Variants in RASSF8 observed in about 807,000 individuals in gnomAD.
The protein encoded by RASSF8 is Ras association domain family member 8.
RASSF8 carries 22 observed loss-of-function variants against 48.5 expected under a neutral mutation model. The ratio of observed to expected loss-of-function variants is 0.45; its 90% CI spans 0.32 to 0.65. The LOEUF (loss-of-function observed/expected upper bound fraction) is 0.65. RASSF8 is among the 30% of genes least tolerant of loss of function. The probability of loss-of-function intolerance (pLI) is 0.03; values close to 1 mark genes in which losing one functional copy is unlikely to be tolerated. For synonymous variants in RASSF8, 127 were observed against 171.5 expected, an observed-to-expected ratio of 0.74 and a Z score of 2.03; for missense variants, 418 against 489.2, an observed-to-expected ratio of 0.85 and a Z score of 1.37.
chr12:25,999,628 T>C (rs983132032), intron 2 of RASSF8, among the ~76,000 whole-genome samples: 2 of 152,152 alleles, frequency 1.3e-5, no homozygotes, highest in Non-Finnish European at 2.9e-5. Flanking sequence ...CTCCGGAGGC[T>C]GAGGTGGGAG....
rs191715398 is a variant in RASSF8 at position 26,043,347 on chromosome 12, A to G, written c.-108-11889A>G. On this transcript the variant is annotated intron_variant, in intron 2 of 5. Transcript: ENST00000689635. ...GAGAGTGATAGATTGAGAGAACAGA[A>G]ATGTCTTGGCATAAGGGTAGAGGGG... Among the ~76,000 whole-genome samples the G allele has an allele frequency of 1.5e-3, 236 of 152,284 alleles. 1 individual carries two copies. The highest frequency in any genetic ancestry group is 5.4e-3 in the African/African-American group (224 of 41,568).
At chr12:26,011,579 C>T (rs187886231) in intron 2 of RASSF8, among the ~76,000 whole-genome samples, 1 of 152,152 alleles carries the variant, frequency 6.6e-6, no homozygotes, top group East Asian at 1.9e-4. Flanking sequence ...AATGTTGAAA[C>T]CTAATCACCG....
intron 1 of RASSF8, 142 bp from the exon 2 acceptor site, chr12:25,994,893 CAG>C (rs1942097630): frequency 6.6e-6 from 1 of 152,158 alleles, no homozygotes; most frequent in Non-Finnish European, 1.5e-5. Context: ...AGAGTGGGGA[CAG>C]GGGAGGAAAA....
At chr12:26,013,319 T>C (rs1290006532) in intron 2 of RASSF8, among the ~76,000 whole-genome samples, 1 of 152,224 alleles carries the variant, frequency 6.6e-6, no homozygotes. Flanking sequence ...TTAAAATTCA[T>C]AAGACACTTT....
At chr12:26,062,572 G>C (rs1943767605) in intron 3 of RASSF8, among the ~76,000 whole-genome samples, 1 of 152,238 alleles carries the variant, frequency 6.6e-6, no homozygotes, top group South Asian at 2.1e-4. Flanking sequence ...GGTAAGCACA[G>C]TAGGAGGCAG....
chr12:26,012,707 G>A (rs1419480073), intron 2 of RASSF8, among the ~76,000 whole-genome samples: 2 of 145,004 alleles, frequency 1.4e-5, no homozygotes, highest in Admixed American at 7.0e-5. Context: ...TTGAGATAGG[G>A]TCTCACTCTG....
Position 26,072,819 on chromosome 12 carries a change from T to A in RASSF8, c.*4001T>A. ...TCATTATGAGCTGTAAAACAAAGAATCAATATTGGATATTCTCCCAAATAA... is the reference window on the plus strand; with the variant it reads ...TCATTATGAGCTGTAAAACAAAGAAACAATATTGGATATTCTCCCAAATAA... On this transcript the variant is annotated 3_prime_UTR_variant, in exon 6 of 6. Coordinates refer to ENST00000689635, the MANE Select transcript of RASSF8 (RefSeq NM_001394098.1). 4.4e-6 allele frequency: 4 copies of A among 915,066 alleles called. No homozygotes were observed. The highest frequency in any genetic ancestry group is 5.2e-6 in the Non-Finnish European group (4 of 766,032). The allele number at this position is 915,066 out of a possible 1,614,324, so 56.7% of individuals were successfully genotyped here.
At chr12:25,968,904 A>G (rs923987427) in intron 1 of RASSF8, among the ~76,000 whole-genome samples, 2 of 152,230 alleles carry the variant, frequency 1.3e-5, no homozygotes, top group African/African-American at 4.8e-5. Context: ...ATGGATAGGA[A>G]GCCCTTGCTA....
At chr12:25,992,822 C>T (rs1942045446) in intron 1 of RASSF8, among the ~76,000 whole-genome samples, 1 of 152,198 alleles carries the variant, frequency 6.6e-6, no homozygotes, top group South Asian at 2.1e-4. Context: ...TTCCTAGGTA[C>T]TCGCACACCT....
chr12:25,982,091 A>G (rs1254921151), intron 1 of RASSF8, among the ~76,000 whole-genome samples: 1 of 152,212 alleles, frequency 6.6e-6, no homozygotes, highest in Non-Finnish European at 1.5e-5. Context: ...TTTTTTTTAG[A>G]AACTTAAAGT....
intron 1 of RASSF8, among the ~76,000 whole-genome samples, chr12:25,965,192 C>T (rs1210960250): frequency 1.3e-5 from 2 of 152,094 alleles, no homozygotes; most frequent in African/African-American, 4.8e-5. Context: ...CCGCCTGCCT[C>T]GGCCTCCCAA....
rs1341174660 is a variant in RASSF8, at chr12:26,072,532, G to A, written c.*3714G>A. 2 of 979,096 alleles carry A rather than the reference G, an allele frequency of 2.0e-6. No homozygotes were observed. The highest frequency in any genetic ancestry group is 1.2e-6 in the Non-Finnish European group (1 of 824,922). 60.7% of individuals were successfully genotyped at this position (979,096 alleles called of 1,614,324 possible). A position where few individuals can be genotyped will look rare whatever the true frequency, so the allele number is the denominator to read the frequency against. On this transcript the variant is annotated 3_prime_UTR_variant, in exon 6 of 6. Transcript: ENST00000689635. The stretch of plus-strand genomic sequence containing the variant: ...GGCAATAAAGTATATACATATATAT[G>A]GGGGGAGGGGAAAGATTAAAAAATA...
intron 2 of RASSF8, among the ~76,000 whole-genome samples, chr12:26,001,672 A>G (rs7956992): frequency 0.37 from 56,382 of 151,830 alleles, 11,180 homozygotes; most frequent in Non-Finnish European, 0.45. Context: ...ATCCTGTCGT[A>G]CTGGAAGGTC....
At chr12:26,073,132 A>G (rs927697920), downstream of RASSF8, among the ~76,000 whole-genome samples, 5 of 152,232 alleles carry the variant, frequency 3.3e-5, no homozygotes, top group Non-Finnish European at 5.9e-5. Flanking sequence ...CCCTAAAACC[A>G]TAAGTGAGAG....
At chr12:26,075,843 A>G (rs1205493672), downstream of RASSF8, among the ~76,000 whole-genome samples, 2 of 152,124 alleles carry the variant, frequency 1.3e-5, no homozygotes, top group African/African-American at 4.8e-5. Context: ...TGCGGCATGT[A>G]CACCAGGAAC....
intron 2 of RASSF8, among the ~76,000 whole-genome samples, chr12:26,051,241 G>C (rs945467618): frequency 6.6e-6 from 1 of 152,206 alleles, no homozygotes; most frequent in Non-Finnish European, 1.5e-5. Flanking sequence ...TGCCTAACAT[G>C]TAATAAGTAC....
intron 2 of RASSF8, among the ~76,000 whole-genome samples, chr12:25,998,427 G>A (rs945856684): frequency 2.0e-5 from 3 of 149,226 alleles, no homozygotes; most frequent in Admixed American, 6.8e-5. Context: ...TTGGCTCGCC[G>A]CAACCTCCGC....
rs929233392 is a variant in RASSF8, at chr12:26,055,499, G to A, written c.103+53G>A. On this transcript the variant is annotated intron_variant, in intron 3 of 5. Coordinates refer to ENST00000689635, the MANE Select transcript of RASSF8 (RefSeq NM_001394098.1). ...AAAGTACATTGTGCTTTCTTTCGTT[G>A]TATGTGTTTGTTTTAAATATAGATT... is the stretch of plus-strand genomic sequence containing the variant. The A allele has an allele frequency of 2.8e-6, 4 of 1,403,608 alleles. No homozygotes were observed. In the African/African-American group the frequency reaches 4.2e-5, roughly 15 times the overall value. 86.9% of individuals were successfully genotyped at this position (1,403,608 alleles called of 1,614,324 possible). A position where few individuals can be genotyped will look rare whatever the true frequency, so the allele number is the denominator to read the frequency against.
At chr12:26,035,819 TATATA>T (rs1349878536) in intron 2 of RASSF8, among the ~76,000 whole-genome samples, 2 of 145,070 alleles carry the variant, frequency 1.4e-5, no homozygotes, top group South Asian at 2.1e-4. Flanking sequence ...TATGAAATTA[TATATA>T]ATATAATTTC....
Sources: gnomAD v4.1 joint callset for allele counts (sites outside exome capture counted in the v4.1 genomes callset) on GRCh38, gnomAD v4.1.1 for gene constraint, MANE v1.5 for transcripts, NCBI Gene and HGNC (gene_info 2026-07-23, HGNC 2026-07-21) for gene names.